The following SUSD6 variants were observed in gnomAD, a reference collection of about 807,000 sequenced individuals.
The protein encoded by SUSD6 is sushi domain-containing protein 6.
In SUSD6, 16 loss-of-function variants were observed where a neutral mutation model predicts 28.4. The observed-to-expected ratio is 0.56, with a 90% CI of 0.38 to 0.86. The LOEUF (loss-of-function observed/expected upper bound fraction) is 0.86. Among genes scored for constraint, SUSD6 ranks in the 40% least tolerant of loss-of-function variants. The probability of loss-of-function intolerance (pLI) is 0.00; values close to 1 mark genes in which losing one functional copy is unlikely to be tolerated. For missense variants in SUSD6, 341 were observed against 384.2 expected, an observed-to-expected ratio of 0.89 and a Z score of 0.94; for synonymous variants, 147 against 159.6, an observed-to-expected ratio of 0.92 and a Z score of 0.59.
At chr14:69,636,142 T>C (rs1885262432) in intron 1 of SUSD6, among the ~76,000 whole-genome samples, 1 of 152,260 alleles carries the variant, frequency 6.6e-6, no homozygotes, top group Non-Finnish European at 1.5e-5. Context: ...ATTTAGATTC[T>C]GTAGAGGGTT....
intron 2 of SUSD6, among the ~76,000 whole-genome samples, chr14:69,691,116 T>C (rs1886147015): frequency 6.6e-6 from 1 of 152,134 alleles, no homozygotes; most frequent in Admixed American, 6.5e-5. Context: ...TTGAAGCAGG[T>C]GCATCACCTG....
intron 2 of SUSD6, among the ~76,000 whole-genome samples, chr14:69,680,491 A>T (rs1362849669): frequency 6.6e-6 from 1 of 152,154 alleles, no homozygotes; most frequent in Admixed American, 6.5e-5. Flanking sequence ...CTGCCAGAAT[A>T]ACTCTCAGAA....
At chr14:69,623,520 A>G (rs1885071921) in intron 1 of SUSD6, among the ~76,000 whole-genome samples, 1 of 152,196 alleles carries the variant, frequency 6.6e-6, no homozygotes, top group Admixed American at 6.5e-5. Context: ...TTACTATACC[A>G]TGTTTTTTGT....
chr14:69,704,538 T>C lies in SUSD6; in HGVS notation c.320-66T>C, dbSNP rs1193020726. The C allele has an allele frequency of 3.3e-6, 5 of 1,499,572 alleles. No individual in the cohort carries two copies. In the Admixed American group the frequency reaches 9.7e-5, roughly 29 times the overall value. The allele number at this position is 1,499,572 out of a possible 1,614,324, so 92.9% of individuals were successfully genotyped here. The stretch of plus-strand genomic sequence containing the variant: ...AGGAGGCATTTGACAAGATCAGCTG[T>C]GGGGCCCATCAGCTGTTTTGTGTAT... On this transcript the variant is annotated intron_variant, in intron 3 of 5. Coordinates refer to ENST00000342745, the MANE Select transcript of SUSD6 (RefSeq NM_014734.4).
intron 2 of SUSD6, among the ~76,000 whole-genome samples, chr14:69,676,453 C>T (rs1407402288): frequency 6.6e-6 from 1 of 151,600 alleles, no homozygotes; most frequent in Non-Finnish European, 1.5e-5. Context: ...AATCACGGCT[C>T]ATTGCAGCCT....
rs186980180 is a variant in SUSD6 at position 69,650,628 on chromosome 14, G to A, written c.-80-7885G>A. ...CGACAGGCTTTGTTCCTGCTCACAG[G>A]CACTTTGCCTCCTCCCCCCTCTTTT... On this transcript the variant is annotated intron_variant, in intron 1 of 5. Coordinates refer to ENST00000342745, the MANE Select transcript of SUSD6 (RefSeq NM_014734.4). Among the ~76,000 whole-genome samples the A allele has an allele frequency of 3.9e-5, 6 of 152,262 alleles. No homozygotes were observed. The East Asian group carries it at 1.2e-3, about 29-fold the overall frequency.
intron 1 of SUSD6, among the ~76,000 whole-genome samples, chr14:69,653,290 G>A (rs1885530034): frequency 6.6e-6 from 1 of 152,226 alleles, no homozygotes; most frequent in African/African-American, 2.4e-5. Context: ...TGGGGCAGCA[G>A]CACTAGTTCC....
chr14:69,649,437 A>T (rs1227789967), intron 1 of SUSD6, among the ~76,000 whole-genome samples: 1 of 152,224 alleles, frequency 6.6e-6, no homozygotes, highest in East Asian at 1.9e-4. Flanking sequence ...TCTAGGAACC[A>T]ATTACAGTCG....
intron 1 of SUSD6, among the ~76,000 whole-genome samples, chr14:69,635,071 G>A (rs1170842127): frequency 3.9e-5 from 6 of 152,184 alleles, no homozygotes; most frequent in Non-Finnish European, 7.4e-5. Context: ...TGATGACGAC[G>A]ATGAAGATGA....
intron 1 of SUSD6, among the ~76,000 whole-genome samples, chr14:69,650,661 G>A (rs1456096845): frequency 6.6e-6 from 1 of 152,056 alleles, no homozygotes; most frequent in African/African-American, 2.4e-5. Flanking sequence ...TTTTCTGTCT[G>A]GTCTTATTTG....
chr14:69,694,847 C>A (rs1889727), intron 2 of SUSD6, among the ~76,000 whole-genome samples: 2 of 152,112 alleles, frequency 1.3e-5, no homozygotes, highest in Non-Finnish European at 2.9e-5. Flanking sequence ...GAGGCCTGTC[C>A]CACCTGTCAG....
chr14:69,652,850 G>A (rs1885523877), intron 1 of SUSD6, among the ~76,000 whole-genome samples: 1 of 152,220 alleles, frequency 6.6e-6, no homozygotes. Context: ...CTTTGGGCTT[G>A]TGTTGCAGGC....
chr14:69,694,643 C>T (rs1416155825), intron 2 of SUSD6, among the ~76,000 whole-genome samples: 1 of 152,162 alleles, frequency 6.6e-6, no homozygotes, highest in Non-Finnish European at 1.5e-5. Flanking sequence ...GCTTAGGTGC[C>T]ACTAAAAGCA....
At position 69,710,936 on chromosome 14, in the gene SUSD6, C is replaced by T; in HGVS notation, c.887-18C>T. 18 of 1,613,932 alleles carry T rather than the reference C, an allele frequency of 1.1e-5. No individual in the cohort carries two copies. Among genetic ancestry groups the T allele is most frequent in the Non-Finnish European group, 1.4e-5 (16 of 1,179,862 alleles). ...CACACAAGGTAACCACTGTGCTTTTCTTCTGGTCTTCCTGCAGATATTCCA... is the reference window on the plus strand; with the variant it reads ...CACACAAGGTAACCACTGTGCTTTTTTTCTGGTCTTCCTGCAGATATTCCA... On this transcript the variant is annotated intron_variant, in intron 5 of 5. Coordinates refer to ENST00000342745, the MANE Select transcript of SUSD6 (RefSeq NM_014734.4).
intron 2 of SUSD6, among the ~76,000 whole-genome samples, chr14:69,699,971 C>CT (rs1334867766): frequency 6.6e-6 from 1 of 152,120 alleles, no homozygotes; most frequent in African/African-American, 2.4e-5. Context: ...GCTGGCCGTC[C>CT]CACCCTAATC....
intron 2 of SUSD6, among the ~76,000 whole-genome samples, chr14:69,667,302 A>G (rs1371079655): frequency 6.6e-6 from 1 of 151,646 alleles, no homozygotes; most frequent in African/African-American, 2.4e-5. Context: ...CAAATGACCC[A>G]GTGGAGTCTT....
chr14:69,613,624 C>T lies in SUSD6; in HGVS notation c.-81+1796C>T, dbSNP rs77497478. Among the ~76,000 whole-genome samples, 263 of 152,378 alleles carry T rather than the reference C, an allele frequency of 1.7e-3. 1 individual carries two copies. The highest frequency in any genetic ancestry group is 5.9e-3 in the African/African-American group (246 of 41,590). ...TCAGAATCCAGCTCTCATGGACTCA[C>T]AGCCTTTAAGTCCATTTGTTTTGGT... On this transcript the variant is annotated intron_variant, in intron 1 of 5. Coordinates refer to ENST00000342745, the MANE Select transcript of SUSD6 (RefSeq NM_014734.4).
intron 1 of SUSD6, among the ~76,000 whole-genome samples, chr14:69,652,345 G>A (rs1025378948): frequency 1.3e-5 from 2 of 152,096 alleles, no homozygotes; most frequent in African/African-American, 4.8e-5. Context: ...TACTCAGGAG[G>A]CTGAGGCACG....
chr14:69,647,623 T>C (rs1031563555), intron 1 of SUSD6, among the ~76,000 whole-genome samples: 4 of 151,540 alleles, frequency 2.6e-5, no homozygotes, highest in African/African-American at 9.7e-5. Flanking sequence ...GCCAAGTTTA[T>C]CTCCCTTTTC....
Sources: allele counts gnomAD v4.1 joint callset (sites outside exome capture counted in the v4.1 genomes callset), GRCh38; gene constraint gnomAD v4.1.1; transcripts MANE v1.5; gene names NCBI Gene and HGNC (gene_info 2026-07-23, HGNC 2026-07-21).